The following PDZRN3 variants were observed in gnomAD, a reference collection of about 807,000 sequenced individuals.
PDZRN3 encodes E3 ubiquitin-protein ligase PDZRN3.
Under a neutral mutation model 85.7 loss-of-function variants are expected in PDZRN3, and 38 were observed. The observed-to-expected ratio is 0.44, with a 90% CI of 0.34 to 0.58. PDZRN3 has a LOEUF of 0.58. Among genes scored for constraint, PDZRN3 ranks in the 20% least tolerant of loss-of-function variants. PDZRN3 has a pLI of 0.01. For synonymous variants in PDZRN3, 759 were observed against 638.0 expected (o/e 1.19, Z -2.86); for missense variants, 1,629 against 1,506.4 (o/e 1.08, Z -1.35).
At chr3:73,449,936 G>A (rs961062943) in intron 3 of PDZRN3, among the ~76,000 whole-genome samples, 3 of 152,160 alleles carry the variant, frequency 2.0e-5, no homozygotes, top group African/African-American at 7.2e-5. Flanking sequence ...GTCTCAGTCT[G>A]ATTCACACTC....
intron 3 of PDZRN3, among the ~76,000 whole-genome samples, chr3:73,452,874 T>TGTGTGTGTGTGTG (rs71126871): frequency 3.0e-4 from 45 of 151,612 alleles, no homozygotes; most frequent in Non-Finnish European, 4.7e-4. Context: ...TGTGTGTGTG[T>TGTGTGTGTGTGTG]TTTAAGTCCA....
chr3:73,417,465 C>A (rs548235704), intron 3 of PDZRN3, among the ~76,000 whole-genome samples: 2 of 152,306 alleles, frequency 1.3e-5, no homozygotes, highest in East Asian at 3.9e-4. Context: ...AATACCATTT[C>A]ATTGCTTATC....
At chr3:73,476,319 A>G (rs1050874056) in intron 3 of PDZRN3, among the ~76,000 whole-genome samples, 24 of 152,170 alleles carry the variant, frequency 1.6e-4, no homozygotes, top group Admixed American at 1.5e-3. Flanking sequence ...CAGAGCAGGG[A>G]AGAGAGATAG....
At chr3:73,567,223 G>T (rs1406384692) in intron 3 of PDZRN3, among the ~76,000 whole-genome samples, 1 of 152,098 alleles carries the variant, frequency 6.6e-6, no homozygotes, top group Non-Finnish European at 1.5e-5. Flanking sequence ...ATCCTTCCTG[G>T]GGCTTTTCAT....
chr3:73,392,151 G>A (rs749440233), intron 5 of PDZRN3, among the ~76,000 whole-genome samples: 70 of 152,326 alleles, frequency 4.6e-4, no homozygotes, highest in Non-Finnish European at 8.4e-4. Flanking sequence ...GGTGCCAGGC[G>A]CCACGGACAC....
At chr3:73,415,652 TTTA>T (rs531072184) in intron 3 of PDZRN3, among the ~76,000 whole-genome samples, 248 of 152,286 alleles carry the variant, frequency 1.6e-3, no homozygotes, top group Admixed American at 3.0e-3. Flanking sequence ...TATTCAAAAT[TTTA>T]TTATTGCGTT....
At chr3:73,534,229 CT>C (rs1208666023) in intron 3 of PDZRN3, among the ~76,000 whole-genome samples, 1 of 152,164 alleles carries the variant, frequency 6.6e-6, no homozygotes, top group Non-Finnish European at 1.5e-5. Flanking sequence ...GTCTTTTCCT[CT>C]AACCCCCGAA....
chr3:73,400,933 G>C lies in PDZRN3; in HGVS notation c.1243C>G (p.Leu415Val). 1 of 1,610,822 alleles carries C rather than the reference G, an allele frequency of 6.2e-7. No individual in the cohort carries two copies. The highest frequency in any genetic ancestry group is 8.5e-7 in the Non-Finnish European group (1 of 1,176,958). ...GATGTTCTTCATACCTCCAGCTCCA[G>C]CTCCTCCCTGTCCATCTCCTGATGG... The part of the protein sequence containing the change: ...DIHQEMDREE[L>V]ELEEVDLYRM... The change falls in exon 5 of 10, where the codon CTG becomes GTG. Residue 415 changes from leucine (L) to valine (V), a missense_variant. Leu to Val is a conservative substitution (Grantham distance 32). Transcript: ENST00000263666.
At chr3:73,550,072 G>A (rs575067979) in intron 3 of PDZRN3, among the ~76,000 whole-genome samples, 10 of 152,268 alleles carry the variant, frequency 6.6e-5, no homozygotes, top group Non-Finnish European at 1.3e-4. Context: ...TGTGCCTTAA[G>A]CAGTTGTTTT....
At chr3:73,456,458 AAAT>A (rs2106854494) in intron 3 of PDZRN3, among the ~76,000 whole-genome samples, 1 of 152,366 alleles carries the variant, frequency 6.6e-6, no homozygotes, top group African/African-American at 2.4e-5. Context: ...AAGTGAAACA[AAAT>A]AATGTCTATT....
At position 73,404,264 on chromosome 3, in the gene PDZRN3, C is replaced by A; in HGVS notation, c.1050G>T (p.Glu350Asp). The change falls in exon 4 of 10, where the codon GAG (glutamate) becomes GAT (aspartate). Residue 350 changes from glutamate (E) to aspartate (D), a missense_variant. Coordinates refer to ENST00000263666, the MANE Select transcript of PDZRN3 (RefSeq NM_015009.3). ...PRTKMFTPPS[E>D]SQLVDTGTQT... ...GGGTTCCCGTGTCCACCAGCTGAGA[C>A]TCTGATGGAGGCGTGAACATTTTGG... is the stretch of plus-strand genomic sequence containing the variant. The A allele has an allele frequency of 6.2e-7, 1 of 1,614,108 alleles. No homozygotes were observed. Among genetic ancestry groups the A allele is most frequent in the East Asian group, 2.2e-5 (1 of 44,882 alleles).
intron 3 of PDZRN3, among the ~76,000 whole-genome samples, chr3:73,519,272 C>A (rs893372814): frequency 5.3e-5 from 8 of 152,184 alleles, no homozygotes; most frequent in African/African-American, 1.7e-4. Context: ...GAGGCCAGAG[C>A]ATACAGCTGA....
At chr3:73,507,209 C>T (rs1704084380) in intron 3 of PDZRN3, among the ~76,000 whole-genome samples, 2 of 152,176 alleles carry the variant, frequency 1.3e-5, no homozygotes, top group Non-Finnish European at 2.9e-5. Context: ...GCTCTTGTCC[C>T]CCAAGCTGGA....
intron 5 of PDZRN3, 91 bp downstream of exon 5, chr3:73,400,831 C>T: frequency 1.1e-6 from 1 of 918,962 alleles, no homozygotes; most frequent in South Asian, 1.3e-5. Context: ...CCATCGGCAT[C>T]CGTAAACTAA....
At chr3:73,573,836 TATACATATACATATAC>T in intron 3 of PDZRN3, among the ~76,000 whole-genome samples, 1 of 62,790 alleles carries the variant, frequency 1.6e-5, no homozygotes, top group Middle Eastern at 7.4e-3. Flanking sequence ...TACATATACA[TATACATATACATATAC>T]GGTCCTTACC....
chr3:73,551,043 T>C (rs1701540046), intron 3 of PDZRN3, among the ~76,000 whole-genome samples: 1 of 152,244 alleles, frequency 6.6e-6, no homozygotes, highest in Admixed American at 6.5e-5. Context: ...TTGTAAAAAC[T>C]GTGATGTCAT....
intron 3 of PDZRN3, among the ~76,000 whole-genome samples, chr3:73,503,757 A>G (rs945555447): frequency 2.0e-5 from 3 of 152,210 alleles, no homozygotes; most frequent in Non-Finnish European, 4.4e-5. Flanking sequence ...ACTTGGTAAA[A>G]GCTTTGAACT....
intron 3 of PDZRN3, chr3:73,569,659 TC>T (rs1215976949): frequency 2.5e-6 from 2 of 791,598 alleles, no homozygotes; most frequent in African/African-American, 3.8e-5. Context: ...AGGTTACCTT[TC>T]TCTTCCTCCC....
At chr3:73,606,075 C>T (rs574422072) in intron 2 of PDZRN3, among the ~76,000 whole-genome samples, 3 of 152,356 alleles carry the variant, frequency 2.0e-5, no homozygotes, top group Admixed American at 1.3e-4. Context: ...GGTTTCCCAA[C>T]AATCACTTGG....
Sources: gnomAD v4.1 joint callset for allele counts (sites outside exome capture counted in the v4.1 genomes callset) on GRCh38, gnomAD v4.1.1 for gene constraint, MANE v1.5 for transcripts, NCBI Gene and HGNC (gene_info 2026-07-23, HGNC 2026-07-21) for gene names.